Variants in CYP51A1 observed in about 807,000 individuals in gnomAD.
CYP51A1 encodes the protein lanosterol 14-alpha demethylase.
CYP51A1 carries 45 observed loss-of-function variants against 53.5 expected under a neutral mutation model. That is an observed-to-expected ratio of 0.84 (90% CI 0.66 to 1.08). CYP51A1 has a LOEUF of 1.08. Among genes scored for constraint, CYP51A1 ranks in the 50% least tolerant of loss-of-function variants. The probability of loss-of-function intolerance (pLI) is 0.00; values close to 1 mark genes in which losing one functional copy is unlikely to be tolerated. For synonymous variants in CYP51A1, 181 were observed against 217.7 expected, an observed-to-expected ratio of 0.83 and a Z score of 1.48; for missense variants, 462 against 621.7, an observed-to-expected ratio of 0.74 and a Z score of 2.73.
chr7:92,128,499 T>G (rs1819851288), intron 3 of CYP51A1, among the ~76,000 whole-genome samples: 1 of 151,810 alleles, frequency 6.6e-6, no homozygotes, highest in Non-Finnish European at 1.5e-5. Flanking sequence ...TGTTTCTGTT[T>G]TTGAGACAGG....
intron 9 of CYP51A1, among the ~76,000 whole-genome samples, chr7:92,114,971 CA>C (rs1375982603): frequency 6.6e-6 from 1 of 152,130 alleles, no homozygotes; most frequent in Admixed American, 6.6e-5. Context: ...TGAGCATTTA[CA>C]AATTGGTCCA....
chr7:92,128,086 C>T (rs1025000292), intron 3 of CYP51A1, among the ~76,000 whole-genome samples: 16 of 152,150 alleles, frequency 1.1e-4, no homozygotes, highest in Non-Finnish European at 1.6e-4. Context: ...GTACCCCACA[C>T]GTGAAGTTGT....
intron 8 of CYP51A1, among the ~76,000 whole-genome samples, chr7:92,117,824 C>T (rs1819608078): frequency 1.3e-5 from 2 of 151,954 alleles, no homozygotes; most frequent in Non-Finnish European, 1.5e-5. Flanking sequence ...CCCATCTCTA[C>T]TAAAATACAA....
At chr7:92,116,510 G>T (rs1381667832) in intron 9 of CYP51A1, among the ~76,000 whole-genome samples, 1 of 152,112 alleles carries the variant, frequency 6.6e-6, no homozygotes, top group Non-Finnish European at 1.5e-5. Flanking sequence ...AGAAACAAGG[G>T]TATAGCTAAA....
In CYP51A1 at chr7:92,134,457, C is replaced by T; in HGVS notation, c.-93G>A. Reference sequence around the variant, plus strand: ...CTGGCAGATGGTCGTCCACAGGGGGCCTTGCCCCAGGTCTCCTACTAAACC... The same window carrying T: ...CTGGCAGATGGTCGTCCACAGGGGGTCTTGCCCCAGGTCTCCTACTAAACC... On this transcript the variant is annotated 5_prime_UTR_variant, in exon 1 of 10. Transcript: ENST00000003100. 1 of 1,368,956 alleles carries T rather than the reference C, an allele frequency of 7.3e-7. No individual in the cohort carries two copies. 84.8% of individuals were successfully genotyped at this position (1,368,956 alleles called of 1,614,324 possible).
chr7:92,118,144 T>C (rs1454565485), intron 8 of CYP51A1, among the ~76,000 whole-genome samples: 2 of 150,450 alleles, frequency 1.3e-5, no homozygotes, highest in Non-Finnish European at 3.0e-5. Context: ...TCTTTTCTTT[T>C]TCTTTCTTTT....
intron 5 of CYP51A1, 79 bp from the exon 6 acceptor site, chr7:92,123,932 C>T (rs766337958): frequency 2.0e-4 from 251 of 1,251,562 alleles, no homozygotes; most frequent in Non-Finnish European, 2.7e-4. Flanking sequence ...AGAACCAGGA[C>T]CGAGCATAAA....
chr7:92,122,683 G>C (rs1032663350), intron 7 of CYP51A1, among the ~76,000 whole-genome samples: 3 of 152,176 alleles, frequency 2.0e-5, no homozygotes, highest in African/African-American at 7.2e-5. Flanking sequence ...CCAGCAAGTT[G>C]CATGTAGTAT....
chr7:92,126,694 G>A (rs1819808536), intron 4 of CYP51A1, among the ~76,000 whole-genome samples: 1 of 152,092 alleles, frequency 6.6e-6, no homozygotes, highest in African/African-American at 2.4e-5. Context: ...AAGAATAAAT[G>A]TGGTTATTTG....
chr7:92,117,126 T>A lies in CYP51A1; in HGVS notation c.1269A>T (p.Glu423Asp). 2.5e-6 allele frequency: 4 copies of A among 1,614,126 alleles called. No individual in the cohort carries two copies. The highest frequency in any genetic ancestry group is 3.4e-6 in the Non-Finnish European group (4 of 1,179,998). Reference protein sequence around the residue: ...VNQRLKDSWVERLDFNPDRYL... With the variant: ...VNQRLKDSWVDRLDFNPDRYL... Reference sequence around the variant, plus strand: ...AGCGATCAGGATTAAAGTCCAGGCGTTCTACCCATGAGTCTTTAAGTCTTT... The same window carrying A: ...AGCGATCAGGATTAAAGTCCAGGCGATCTACCCATGAGTCTTTAAGTCTTT... Residue 423 changes from glutamate (E) to aspartate (D), a missense_variant, in exon 9 of 10, where the codon GAA becomes GAT. Physicochemically the swap from Glu to Asp is conservative, Grantham distance 45. Transcript: ENST00000003100.
chr7:92,116,056 C>T (rs1426930923), intron 9 of CYP51A1, among the ~76,000 whole-genome samples: 1 of 152,194 alleles, frequency 6.6e-6, no homozygotes, highest in Non-Finnish European at 1.5e-5. Context: ...CAGATTGCTT[C>T]AAGCCTGGAA....
chr7:92,130,885 T>C (rs927832755), intron 2 of CYP51A1, among the ~76,000 whole-genome samples: 2 of 152,120 alleles, frequency 1.3e-5, no homozygotes, highest in East Asian at 1.9e-4. Context: ...AAGAACATAA[T>C]AGGACTGTGG....
At chr7:92,122,194 T>C (rs530287663) in intron 7 of CYP51A1, among the ~76,000 whole-genome samples, 7 of 110,398 alleles carry the variant, frequency 6.3e-5, no homozygotes, top group Admixed American at 2.7e-4. Context: ...AACAAATAAA[T>C]TGAATTAGTA....
rs55776212 is a variant in CYP51A1, at chr7:92,112,204, C to T, written c.*1461G>A. 1 of 152,120 alleles carries T rather than the reference C, an allele frequency of 6.6e-6. No individual in the cohort carries two copies. Among genetic ancestry groups the T allele is most frequent in the Non-Finnish European group, 1.5e-5 (1 of 68,038 alleles). The allele number at this position is 152,120 out of a possible 1,614,324, so 9.4% of individuals were successfully genotyped here. A position where few individuals can be genotyped will look rare whatever the true frequency, so the allele number is the denominator to read the frequency against. ...AAAATTAGCAGAGATTCTGCCTTCA[C>T]AATTAGAGTTTAACATGAGTCTTCC... On this transcript the variant is annotated 3_prime_UTR_variant, in exon 10 of 10. Transcript: ENST00000003100.
At chr7:92,118,492 G>C in intron 8 of CYP51A1, 28 bp downstream of exon 8, 1 of 1,206,428 alleles carries the variant, frequency 8.3e-7, no homozygotes, top group Non-Finnish European at 1.2e-6. Flanking sequence ...TGGGGGTATA[G>C]AGGGGAAGAT....
chr7:92,118,446 C>A (rs1431249604), intron 8 of CYP51A1, 74 bp downstream of exon 8: 25 of 857,256 alleles, frequency 2.9e-5, no homozygotes, highest in Non-Finnish European at 3.6e-5. Context: ...AGGTGTGAAC[C>A]ACCACACCCA....
At chr7:92,123,931 ACCGAGC>A in intron 5 of CYP51A1, 78 bp from the exon 6 acceptor site, 1 of 1,257,824 alleles carries the variant, frequency 8.0e-7, no homozygotes, top group Non-Finnish European at 1.1e-6. Context: ...GAGAACCAGG[ACCGAGC>A]ATAAAGCATC....
Position 92,131,786 on chromosome 7 carries a change from AT to A in CYP51A1, c.278del (p.Asn93MetfsTer15). 1 of 1,535,990 alleles carries A rather than the reference AT, an allele frequency of 6.5e-7. No individual in the cohort carries two copies. Among genetic ancestry groups the A allele is most frequent in the Non-Finnish European group, 8.9e-7 (1 of 1,123,140 alleles). ...TTGGAAGACTTACCTTCTCATATGC[AT>A]TTTCTAGAAATTCAATTGGACTTTT... ...FGKSPIEFLE[N>X]AYEKYGPVFS... is the part of the protein sequence containing the mutation. On this transcript the variant is annotated frameshift_variant, in exon 2 of 10. Coordinates refer to ENST00000003100, the MANE Select transcript of CYP51A1 (RefSeq NM_000786.4). LOFTEE classifies it high-confidence loss of function.
intron 8 of CYP51A1, among the ~76,000 whole-genome samples, chr7:92,117,988 CA>C (rs5885800): frequency 4.1e-4 from 47 of 113,900 alleles, no homozygotes; most frequent in African/African-American, 1.0e-3. Context: ...AATGCCGTCT[CA>C]AAAAAAAAAA....
Sources: gnomAD v4.1 joint callset for allele counts (sites outside exome capture counted in the v4.1 genomes callset) on GRCh38, gnomAD v4.1.1 for gene constraint, MANE v1.5 for transcripts, NCBI Gene and HGNC (gene_info 2026-07-23, HGNC 2026-07-21) for gene names.